The following SEMA3A variants were observed in gnomAD, a reference collection of about 807,000 sequenced individuals.
The protein encoded by SEMA3A is semaphorin 3A.
Under a neutral mutation model 97.9 loss-of-function variants are expected in SEMA3A, and 29 were observed. The ratio of observed to expected loss-of-function variants is 0.30; its 90% CI spans 0.22 to 0.40. The LOEUF (loss-of-function observed/expected upper bound fraction) is 0.40, where lower values mean the gene tolerates loss of function less well. Ranked by LOEUF, SEMA3A falls within the 10% of genes least tolerant of loss-of-function variation. SEMA3A has a pLI of 1.00. For synonymous variants in SEMA3A, 321 were observed against 323.7 expected, an observed-to-expected ratio of 0.99 and a Z score of 0.09; for missense variants, 763 against 951.3, an observed-to-expected ratio of 0.80 and a Z score of 2.60.
At chr7:84,314,058 T>C (rs554782727) in intron 2 of SEMA3A, among the ~76,000 whole-genome samples, 13 of 152,222 alleles carry the variant, frequency 8.5e-5, no homozygotes, top group African/African-American at 2.9e-4. Flanking sequence ...ATGTGACTTA[T>C]GGTGAGTGAA....
intron 2 of SEMA3A, among the ~76,000 whole-genome samples, chr7:84,365,734 A>C (rs993534121): frequency 1.4e-4 from 21 of 151,306 alleles, no homozygotes; most frequent in Admixed American, 6.6e-4. Context: ...TGTTAGTCTT[A>C]AGTGAATTTT....
At chr7:84,267,418 A>G (rs1800034710) in intron 3 of SEMA3A, among the ~76,000 whole-genome samples, 1 of 152,156 alleles carries the variant, frequency 6.6e-6, no homozygotes, top group African/African-American at 2.4e-5. Flanking sequence ...AGAACGTATT[A>G]CTTTTGCCTG....
intron 5 of SEMA3A, among the ~76,000 whole-genome samples, chr7:84,055,346 A>C (rs531404075): frequency 1.3e-5 from 2 of 152,294 alleles, no homozygotes; most frequent in South Asian, 4.1e-4. Context: ...CTGTGCTAGC[A>C]ATCAGCGAGA....
At chr7:84,103,741 T>C (rs1409151802) in intron 4 of SEMA3A, among the ~76,000 whole-genome samples, 1 of 151,078 alleles carries the variant, frequency 6.6e-6, no homozygotes, top group East Asian at 1.9e-4. Flanking sequence ...AAAATGAAAA[T>C]AAAAATAAAA....
intron 1 of SEMA3A, among the ~76,000 whole-genome samples, chr7:84,441,219 A>C (rs1805266073): frequency 6.6e-6 from 1 of 151,778 alleles, no homozygotes; most frequent in Non-Finnish European, 1.5e-5. Flanking sequence ...CCCTGAAAAG[A>C]TCTTATAACA....
upstream of SEMA3A, chr7:84,195,036 G>GAGAC (rs1798183371): frequency 6.8e-6 from 1 of 147,372 alleles, no homozygotes; most frequent in Non-Finnish European, 1.5e-5. Context: ...GAGAGAGAGA[G>GAGAC]AGAGAGAGAG....
intron 3 of SEMA3A, among the ~76,000 whole-genome samples, chr7:84,121,875 G>A (rs1795626761): frequency 2.1e-5 from 1 of 48,178 alleles, no homozygotes; most frequent in Non-Finnish European, 4.1e-5. Flanking sequence ...TCTTGACCTC[G>A]TGATCCGCCC....
intron 1 of SEMA3A, among the ~76,000 whole-genome samples, chr7:84,391,539 C>T (rs1803577463): frequency 6.6e-6 from 1 of 152,094 alleles, no homozygotes; most frequent in African/African-American, 2.4e-5. Flanking sequence ...CAGGAACAGA[C>T]AGATTGCCTA....
At chr7:84,457,450 A>AT (rs747216894) in intron 1 of SEMA3A, among the ~76,000 whole-genome samples, 2 of 151,530 alleles carry the variant, frequency 1.3e-5, no homozygotes, top group Admixed American at 6.6e-5. Flanking sequence ...TGCCTTTTAC[A>AT]TTTTTTTTAG....
At chr7:84,007,553 A>G (rs1207496786) in intron 9 of SEMA3A, 56 bp from the exon 10 acceptor site, 1 of 1,249,420 alleles carries the variant, frequency 8.0e-7, no homozygotes, top group Non-Finnish European at 1.1e-6. Context: ...ATGGTAAGAG[A>G]AATATTGATA....
intron 1 of SEMA3A, among the ~76,000 whole-genome samples, chr7:84,425,137 ATAT>A (rs1216722863): frequency 8.2e-5 from 9 of 109,718 alleles, no homozygotes; most frequent in East Asian, 2.7e-4. Flanking sequence ...TTATATATAA[ATAT>A]TATATATATT....
intron 4 of SEMA3A, among the ~76,000 whole-genome samples, chr7:84,070,258 G>T (rs1053542890): frequency 6.6e-6 from 1 of 152,068 alleles, no homozygotes; most frequent in African/African-American, 2.4e-5. Flanking sequence ...AGTTTTCAAC[G>T]ACTGTTTTTA....
intron 15 of SEMA3A, among the ~76,000 whole-genome samples, chr7:83,965,635 TATATATATATATA>T: frequency 1.6e-4 from 1 of 6,272 alleles, no homozygotes; most frequent in African/African-American, 8.5e-4. Context: ...TGCATATATA[TATATATATATATA>T]TATATATATA....
Position 84,067,205 on chromosome 7 carries a change from A to T in SEMA3A, c.454-6647T>A, listed in dbSNP as rs1345532188. On this transcript the variant is annotated intron_variant, in intron 4 of 16. Coordinates refer to ENST00000265362, the MANE Select transcript of SEMA3A (RefSeq NM_006080.3). The stretch of plus-strand genomic sequence containing the variant: ...CTTATTTAATAAATGGTGCTGGGAA[A>T]ACTGGCTAGCCATATGTAGAAAGCT... 2.0e-5 allele frequency among the ~76,000 whole-genome samples: 3 copies of T among 152,286 alleles called. No individual in the cohort carries two copies. In the East Asian group the frequency reaches 5.8e-4, roughly 29 times the overall value.
chr7:84,065,411 A>G (rs1439735610), intron 4 of SEMA3A, among the ~76,000 whole-genome samples: 5 of 150,366 alleles, frequency 3.3e-5, no homozygotes, highest in African/African-American at 1.2e-4. Context: ...GCAAGAAATA[A>G]CTAAAATCAG....
intron 1 of SEMA3A, among the ~76,000 whole-genome samples, chr7:84,455,797 T>C (rs1205807507): frequency 6.6e-6 from 1 of 151,998 alleles, no homozygotes; most frequent in Non-Finnish European, 1.5e-5. Flanking sequence ...GAAGTAAACA[T>C]CTGTTTCATT....
intron 3 of SEMA3A, among the ~76,000 whole-genome samples, chr7:84,242,693 G>A (rs759003337): frequency 2.6e-5 from 4 of 152,144 alleles, no homozygotes; most frequent in Non-Finnish European, 5.9e-5. Context: ...TGGTAAGAGA[G>A]GGCATCCTTG....
rs1392790869 is a variant in SEMA3A, at chr7:84,099,038, C to G, written c.453+11432G>C. On this transcript the variant is annotated intron_variant, in intron 4 of 16. Transcript: ENST00000265362. ...GCAGAAGATAAATTGGATAGAATAA[C>G]CAGAGATTAATCAGGAATTACATTT... Among the ~76,000 whole-genome samples the G allele has an allele frequency of 2.0e-5, 3 of 151,542 alleles. 1 individual carries two copies. Among genetic ancestry groups the G allele is most frequent in the Admixed American group, 1.3e-4 (2 of 15,212 alleles).
chr7:83,992,002 G>C (rs1175766075), intron 12 of SEMA3A, among the ~76,000 whole-genome samples: 11 of 142,436 alleles, frequency 7.7e-5, no homozygotes, highest in African/African-American at 1.9e-4. Flanking sequence ...TTCAGATCCT[G>C]TTATTGGTCT....
Sources: allele counts gnomAD v4.1 joint callset (sites outside exome capture counted in the v4.1 genomes callset), GRCh38; gene constraint gnomAD v4.1.1; transcripts MANE v1.5; gene names NCBI Gene and HGNC (gene_info 2026-07-23, HGNC 2026-07-21).